Variants in RAPGEF2 observed in about 807,000 individuals in gnomAD.
RAPGEF2 encodes PDZ domain containing guanine nucleotide exchange factor (GEF) 1.
Under a neutral mutation model 186.7 loss-of-function variants are expected in RAPGEF2, and 54 were observed. That is an observed-to-expected ratio of 0.29 (90% CI 0.23 to 0.36). The LOEUF (loss-of-function observed/expected upper bound fraction) is 0.36, where lower values mean the gene tolerates loss of function less well. Among genes scored for constraint, RAPGEF2 ranks in the 10% least tolerant of loss-of-function variants. The probability of loss-of-function intolerance (pLI) is 1.00; values close to 1 mark genes in which losing one functional copy is unlikely to be tolerated. For synonymous variants in RAPGEF2, 712 were observed against 705.9 expected (o/e 1.01, Z -0.14); for missense variants, 1,532 against 2,045.0 (o/e 0.75, Z 4.84).
intron 7 of RAPGEF2, among the ~76,000 whole-genome samples, 198 bp from the exon 8 acceptor site, chr4:159,304,144 T>C (rs373321121): frequency 6.6e-6 from 1 of 152,314 alleles, no homozygotes; most frequent in East Asian, 1.9e-4. Context: ...TTAAGGCTCA[T>C]GTGTGCTCAT....
At position 159,159,044 on chromosome 4, in the gene RAPGEF2, G is replaced by A. The variant is rs775096192; in HGVS notation, c.70-27598G>A. On this transcript the variant is annotated intron_variant, in intron 1 of 29. Transcript: ENST00000691494. ...TTAATTTTTATATGGTGAAATGAAA[G>A]CTTAGAGATATTTAAGTAACTGTCC... Among the ~76,000 whole-genome samples the A allele has an allele frequency of 2.0e-5, 3 of 152,212 alleles. No individual in the cohort carries two copies. In the East Asian group the frequency reaches 5.8e-4, roughly 29 times the overall value.
intron 1 of RAPGEF2, among the ~76,000 whole-genome samples, chr4:159,159,867 T>C (rs762499429): frequency 3.9e-5 from 6 of 152,194 alleles, no homozygotes; most frequent in Non-Finnish European, 8.8e-5. Context: ...AGGAATACTA[T>C]TGTTCTCAGA....
chr4:159,155,283 G>A (rs974517007), intron 1 of RAPGEF2, among the ~76,000 whole-genome samples: 2 of 152,082 alleles, frequency 1.3e-5, no homozygotes, highest in Non-Finnish European at 1.5e-5. Flanking sequence ...TGAAATTCCC[G>A]CTGAGTGGTT....
At chr4:159,177,549 A>G (rs1054750733) in intron 1 of RAPGEF2, among the ~76,000 whole-genome samples, 1 of 152,224 alleles carries the variant, frequency 6.6e-6, no homozygotes, top group Non-Finnish European at 1.5e-5. Flanking sequence ...AACTCTGCCC[A>G]TCTGACTCCA....
intron 7 of RAPGEF2, chr4:159,266,980 T>C (rs1757510751): frequency 3.8e-6 from 1 of 261,860 alleles, no homozygotes; most frequent in African/African-American, 2.2e-5. Context: ...TTACTTTATC[T>C]GAATTGTCCA....
intron 1 of RAPGEF2, among the ~76,000 whole-genome samples, chr4:159,143,097 C>A (rs1014584353): frequency 1.1e-4 from 16 of 152,066 alleles, no homozygotes; most frequent in African/African-American, 3.9e-4. Context: ...TGTTGCTGGG[C>A]TTGGTGGCAT....
intron 1 of RAPGEF2, among the ~76,000 whole-genome samples, chr4:159,183,891 C>G (rs543384878): frequency 1.3e-5 from 2 of 152,178 alleles, no homozygotes; most frequent in Admixed American, 6.5e-5. Context: ...TCCCTCCCCC[C>G]TCCTCTCACC....
At chr4:159,154,249 G>A (rs1038201800) in intron 1 of RAPGEF2, among the ~76,000 whole-genome samples, 31 of 152,180 alleles carry the variant, frequency 2.0e-4, no homozygotes, top group African/African-American at 7.5e-4. Flanking sequence ...AGAGAAGCAA[G>A]TAGAATTCAG....
intron 7 of RAPGEF2, among the ~76,000 whole-genome samples, chr4:159,290,445 T>C (rs1436237605): frequency 6.6e-6 from 1 of 152,232 alleles, no homozygotes; most frequent in Non-Finnish European, 1.5e-5. Context: ...CAACCTAGGA[T>C]GATACATCAG....
chr4:159,104,489 C>CGAGAGAGAGAGAGAGAGAGAGAGAGAGA lies in RAPGEF2; in HGVS notation c.69+268_69+295dup, dbSNP rs553251268. Among the ~76,000 whole-genome samples, 11 of 88,802 alleles carry CGAGAGAGAGAGAGAGAGAGAGAGAGAGA rather than the reference C, an allele frequency of 1.2e-4. 1 individual carries two copies. The South Asian group carries it at 1.8e-3, about 15-fold the overall frequency. The allele number at this position is 88,802 out of a possible 152,430, so 58.3% of individuals were successfully genotyped here. A position where few individuals can be genotyped will look rare whatever the true frequency, so the allele number is the denominator to read the frequency against. On this transcript the variant is annotated intron_variant, in intron 1 of 29. Coordinates refer to ENST00000691494, the MANE Select transcript of RAPGEF2 (RefSeq NM_001394067.2). ...GACCTTTCCCACTATGTTGCCCAGC[C>CGAGAGAGAGAGAGAGAGAGAGAGAGAGA]GAGAGAGAGAGAGAGAGAGAGAGAG...
intron 1 of RAPGEF2, among the ~76,000 whole-genome samples, chr4:159,125,155 T>G (rs1488670908): frequency 6.6e-6 from 1 of 152,186 alleles, no homozygotes; most frequent in Non-Finnish European, 1.5e-5. Context: ...CCATCAGAGA[T>G]ACCACACCCC....
chr4:159,310,458 ATACT>A (rs944468675), intron 8 of RAPGEF2, among the ~76,000 whole-genome samples: 4 of 152,126 alleles, frequency 2.6e-5, no homozygotes, highest in African/African-American at 9.6e-5. Flanking sequence ...AGTTAAATTA[ATACT>A]TCAGTAGAGC....
intron 1 of RAPGEF2, among the ~76,000 whole-genome samples, chr4:159,122,407 A>C (rs1739798225): frequency 6.6e-6 from 1 of 151,744 alleles, no homozygotes; most frequent in African/African-American, 2.4e-5. Context: ...TGAACTCAGG[A>C]GGCAGAGATT....
chr4:159,293,993 C>A (rs192686080), intron 7 of RAPGEF2, among the ~76,000 whole-genome samples: 1 of 152,124 alleles, frequency 6.6e-6, no homozygotes, highest in Non-Finnish European at 1.5e-5. Context: ...CCGGAAGGGA[C>A]GTTGGGAAAT....
At chr4:159,144,960 T>A (rs538665656) in intron 1 of RAPGEF2, among the ~76,000 whole-genome samples, 2 of 140,882 alleles carry the variant, frequency 1.4e-5, no homozygotes, top group East Asian at 4.5e-4. Context: ...TGATCATGGC[T>A]CACTGCAGCC....
chr4:159,276,606 G>T (rs907932202), intron 7 of RAPGEF2, among the ~76,000 whole-genome samples: 6 of 152,140 alleles, frequency 3.9e-5, no homozygotes, highest in Non-Finnish European at 5.9e-5. Context: ...CTTAGCTAAA[G>T]AAAATATAAA....
chr4:159,203,428 T>G (rs1416351500), intron 3 of RAPGEF2, among the ~76,000 whole-genome samples: 6 of 152,126 alleles, frequency 3.9e-5, no homozygotes, highest in African/African-American at 1.4e-4. Flanking sequence ...TGTGAATAAT[T>G]ATGACGTTCT....
intron 7 of RAPGEF2, among the ~76,000 whole-genome samples, chr4:159,250,289 A>G (rs1755153584): frequency 6.6e-6 from 1 of 152,164 alleles, no homozygotes; most frequent in African/African-American, 2.4e-5. Flanking sequence ...ATGTAACCAA[A>G]TACCACCTGT....
At chr4:159,330,888 T>G (rs896467508) in intron 13 of RAPGEF2, among the ~76,000 whole-genome samples, 1 of 152,158 alleles carries the variant, frequency 6.6e-6, no homozygotes, top group African/African-American at 2.4e-5. Context: ...CAGAGCAGCA[T>G]TTCATGACAG....
Sources: gnomAD v4.1 joint callset for allele counts (sites outside exome capture counted in the v4.1 genomes callset) on GRCh38, gnomAD v4.1.1 for gene constraint, MANE v1.5 for transcripts, NCBI Gene and HGNC (gene_info 2026-07-23, HGNC 2026-07-21) for gene names.